NEBL: variants seen among roughly 807,000 people sequenced by gnomAD.
NEBL encodes the protein LIM and SH3 protein 2.
Under a neutral mutation model 140.2 loss-of-function variants are expected in NEBL, and 122 were observed. The ratio of observed to expected loss-of-function variants is 0.87; its 90% CI spans 0.75 to 1.01. The LOEUF (loss-of-function observed/expected upper bound fraction) is 1.01, where lower values mean the gene tolerates loss of function less well. NEBL is among the 50% of genes least tolerant of loss of function. NEBL has a pLI of 0.00. For missense variants in NEBL, 1,365 were observed against 1,231.3 expected (o/e 1.11, Z -1.62); for synonymous variants, 436 against 398.9 (o/e 1.09, Z -1.11).
chr10:20,961,586 C>T, intron 4 of NEBL: 1 of 1,017,530 alleles, frequency 9.8e-7, no homozygotes, highest in East Asian at 2.4e-5. Context: ...CACAGCAACA[C>T]AAACACTTCC....
At chr10:21,009,627 T>A (rs1461085386) in intron 3 of NEBL, among the ~76,000 whole-genome samples, 1 of 152,204 alleles carries the variant, frequency 6.6e-6, no homozygotes, top group African/African-American at 2.4e-5. Flanking sequence ...CAACCCATAT[T>A]TTGGAAGCCC....
At position 21,147,169 on chromosome 10, in the gene NEBL, G is replaced by A. The variant is rs545437838; in HGVS notation, c.164+25214C>T. Among the ~76,000 whole-genome samples the A allele has an allele frequency of 8.5e-5, 13 of 152,130 alleles. No individual in the cohort carries two copies. The South Asian group carries it at 2.3e-3, about 27-fold the overall frequency. Reference sequence around the variant, plus strand: ...GAGATGCGTTTAGGACTACATCCACGCACATCTTCCCCAAAGCAAAACCCC... The same window carrying A: ...GAGATGCGTTTAGGACTACATCCACACACATCTTCCCCAAAGCAAAACCCC... On this transcript the variant is annotated intron_variant, in intron 2 of 6. Transcript: ENST00000417816.
chr10:20,923,250 T>C (rs938492015), intron 4 of NEBL, among the ~76,000 whole-genome samples: 1 of 151,876 alleles, frequency 6.6e-6, no homozygotes, highest in Non-Finnish European at 1.5e-5. Flanking sequence ...GTATTTCTTG[T>C]AGAGATGAGG....
chr10:21,229,326 T>A (rs1244221586), intron 3 of NEBL, among the ~76,000 whole-genome samples: 7 of 151,980 alleles, frequency 4.6e-5, no homozygotes, highest in Admixed American at 1.3e-4. Context: ...GAAACTGACG[T>A]GGGAGAATCA....
At chr10:21,291,648 C>T (rs1419971496) in intron 1 of NEBL, among the ~76,000 whole-genome samples, 1 of 152,104 alleles carries the variant, frequency 6.6e-6, no homozygotes, top group African/African-American at 2.4e-5. Context: ...GGCGCAGTGG[C>T]TCACACCTGT....
intron 2 of NEBL, among the ~76,000 whole-genome samples, chr10:21,093,972 A>G (rs1164005907): frequency 1.3e-5 from 2 of 152,152 alleles, no homozygotes; most frequent in Non-Finnish European, 2.9e-5. Context: ...TTTCCATTCT[A>G]AGCTTTCCAT....
intron 26 of NEBL, among the ~76,000 whole-genome samples, chr10:20,791,916 T>C (rs923575123): frequency 1.3e-5 from 2 of 152,130 alleles, no homozygotes; most frequent in Non-Finnish European, 2.9e-5. Flanking sequence ...CATCATTTAA[T>C]TACTGCAACA....
intron 2 of NEBL, among the ~76,000 whole-genome samples, chr10:21,107,199 A>C (rs1837758754): frequency 6.6e-6 from 1 of 152,144 alleles, no homozygotes; most frequent in Admixed American, 6.5e-5. Flanking sequence ...GATTGCCCTA[A>C]CCAGAATTTC....
At chr10:20,855,767 C>A (rs1023974883) in intron 9 of NEBL, among the ~76,000 whole-genome samples, 11 of 152,128 alleles carry the variant, frequency 7.2e-5, no homozygotes, top group Non-Finnish European at 1.2e-4. Flanking sequence ...GTAATTAAGG[C>A]ACTCATATCA....
chr10:20,809,829 G>C lies in NEBL; in HGVS notation c.2588C>G (p.Ser863Cys), dbSNP rs150152361. The change falls in exon 25 of 28, where the codon TCT (serine) becomes TGT (cysteine). Residue 863 changes from serine (S) to cysteine (C), a missense_variant. This residue lies in a region of NEBL where 1,323 missense variants were observed against 1,154.8 expected (regional missense o/e 1.15). Coordinates refer to ENST00000377122, the MANE Select transcript of NEBL (RefSeq NM_006393.3). Reference sequence around the variant, plus strand: ...ACCAGAGAGCATATGGAGACTTCTAGACTGAATATTGTCTTCCAGGGGATC... The same window carrying C: ...ACCAGAGAGCATATGGAGACTTCTACACTGAATATTGTCTTCCAGGGGATC... Reference protein sequence around the residue: ...DLDPLEDNIQSRSLHMLSEKA... With the variant: ...DLDPLEDNIQCRSLHMLSEKA... The C allele has an allele frequency of 3.1e-5, 50 of 1,612,384 alleles. No individual in the cohort carries two copies. The highest frequency in any genetic ancestry group is 4.0e-5 in the Non-Finnish European group (47 of 1,178,904).
At chr10:20,853,468 T>C (rs1286515646) in intron 9 of NEBL, among the ~76,000 whole-genome samples, 3 of 152,114 alleles carry the variant, frequency 2.0e-5, no homozygotes, top group Non-Finnish European at 4.4e-5. Context: ...AACGGAATAC[T>C]ATACAGCCAC....
In NEBL at chr10:20,799,192, G is replaced by A. The variant is rs187844341; in HGVS notation, c.2761+9318C>T. On this transcript the variant is annotated intron_variant, in intron 26 of 27. Transcript: ENST00000377122. Reference sequence around the variant, plus strand: ...TATTTTTGAGGCAGAGTCTTGCTCCGTCACCCAGGCTGGAGTGCAGTGGCG... The same window carrying A: ...TATTTTTGAGGCAGAGTCTTGCTCCATCACCCAGGCTGGAGTGCAGTGGCG... 4.1e-3 allele frequency among the ~76,000 whole-genome samples: 618 copies of A among 152,236 alleles called. 5 individuals carry two copies. The highest frequency in any genetic ancestry group is 0.014 in the African/African-American group (585 of 41,542).
chr10:20,953,470 T>C (rs1027816684), intron 4 of NEBL, among the ~76,000 whole-genome samples: 5 of 151,816 alleles, frequency 3.3e-5, no homozygotes, highest in Non-Finnish European at 5.9e-5. Flanking sequence ...CTGCAATATC[T>C]TGTTATGGTG....
At chr10:21,204,128 A>G (rs2132229583) in intron 3 of NEBL, among the ~76,000 whole-genome samples, 1 of 152,284 alleles carries the variant, frequency 6.6e-6, no homozygotes, top group Non-Finnish European at 1.5e-5. Flanking sequence ...TCTTCAATGA[A>G]CAGGTTACCC....
At chr10:21,069,843 CACA>C (rs1200104419) in intron 2 of NEBL, 1 of 366,486 alleles carries the variant, frequency 2.7e-6, no homozygotes, top group African/African-American at 2.1e-5. Context: ...TTATATTAAT[CACA>C]ACATTGTCTT....
intron 2 of NEBL, among the ~76,000 whole-genome samples, chr10:21,071,005 T>C (rs1322144392): frequency 1.3e-5 from 2 of 150,990 alleles, no homozygotes; most frequent in African/African-American, 4.9e-5. Flanking sequence ...AGCAACACTC[T>C]GCCTCTACAA....
At chr10:20,794,121 C>T (rs751569837) in intron 26 of NEBL, among the ~76,000 whole-genome samples, 5 of 152,148 alleles carry the variant, frequency 3.3e-5, no homozygotes, top group East Asian at 1.9e-4. Context: ...TGGAGGTTAG[C>T]GTGCAACATT....
Position 20,858,303 on chromosome 10 carries a change from A to T in NEBL, c.840T>A (p.Val280=), listed in dbSNP as rs544407274. 2.5e-6 allele frequency: 4 copies of T among 1,610,942 alleles called. No individual in the cohort carries two copies. The South Asian group carries it at 3.3e-5, about 13-fold the overall frequency. The change falls in exon 9 of 28, where the codon GTT becomes GTA. Residue 280 remains valine (V), a synonymous_variant. Transcript: ENST00000377122. ...KKDIQNMHDP[V]SDLPNLLFLD... Reference sequence around the variant, plus strand: ...AAAACAACAAATTTGGGAGATCTGAAACTGGATCATGCATATTTTGAATGT... The same window carrying T: ...AAAACAACAAATTTGGGAGATCTGATACTGGATCATGCATATTTTGAATGT...
intron 10 of NEBL, among the ~76,000 whole-genome samples, chr10:20,852,013 T>TA (rs1196151267): frequency 2.7e-5 from 4 of 150,016 alleles, no homozygotes; most frequent in South Asian, 4.4e-4. Flanking sequence ...AGCTCAGAAT[T>TA]AAAAAAAAAT....
Sources: allele counts gnomAD v4.1 joint callset (sites outside exome capture counted in the v4.1 genomes callset), GRCh38; gene constraint gnomAD v4.1.1; regional missense constraint gnomAD v4.1.1; transcripts MANE v1.5; gene names NCBI Gene and HGNC (gene_info 2026-07-23, HGNC 2026-07-21).